ITIH2: variants seen among roughly 807,000 people sequenced by gnomAD.
The protein encoded by ITIH2 is inter-alpha-trypsin inhibitor heavy chain 2, also known as inter-alpha-trypsin inhibitor heavy chain H2.
A neutral mutation model predicts 104.4 loss-of-function variants in ITIH2; 103 were observed. The ratio of observed to expected loss-of-function variants is 0.99; its 90% CI spans 0.84 to 1.16. The LOEUF (loss-of-function observed/expected upper bound fraction) is 1.16. ITIH2 is among the 50% of genes most tolerant of loss of function. The pLI is 0.00. For synonymous variants in ITIH2, 436 were observed against 435.4 expected, an observed-to-expected ratio of 1.00 and a Z score of -0.02; for missense variants, 1,108 against 1,162.4, an observed-to-expected ratio of 0.95 and a Z score of 0.68.
At position 7,744,791 on chromosome 10, in the gene ITIH2, G is replaced by C. The variant is rs182984101; in HGVS notation, c.2409G>C (p.Arg803Ser). The change falls in exon 19 of 21, where the codon AGG becomes AGC. Residue 803 changes from arginine to serine, a missense_variant and splice_region_variant. Coordinates refer to ENST00000358415, the MANE Select transcript of ITIH2 (RefSeq NM_002216.3). ...AATTCCTCTTGGACTTTCACACCAGGGTGCAGATCTCAGTGAAGAAAGAAA... is the reference window on the plus strand; with the variant it reads ...AATTCCTCTTGGACTTTCACACCAGCGTGCAGATCTCAGTGAAGAAAGAAA... ...WSDTAQVTNQ[R>S]VQISVKKEKV... The C allele has an allele frequency of 2.7e-5, 44 of 1,612,952 alleles. No homozygotes were observed. In the East Asian group the frequency reaches 9.4e-4, roughly 34 times the overall value.
chr10:7,738,262 T>G (rs902828162), intron 15 of ITIH2, among the ~76,000 whole-genome samples: 1 of 126,590 alleles, frequency 7.9e-6, no homozygotes, highest in Non-Finnish European at 1.6e-5. Context: ...TTATATATTA[T>G]ATTCTATATA....
chr10:7,710,467 G>A (rs1213564302), intron 4 of ITIH2, among the ~76,000 whole-genome samples: 2 of 152,058 alleles, frequency 1.3e-5, no homozygotes, highest in Admixed American at 6.5e-5. Context: ...TGTTCCAGGT[G>A]GTCAATGTCC....
At chr10:7,724,567 T>A in intron 9 of ITIH2, among the ~76,000 whole-genome samples, 2 of 8,356 alleles carry the variant, frequency 2.4e-4, no homozygotes, top group African/African-American at 4.3e-4. Flanking sequence ...CGAAACTCCA[T>A]CTCAAAAAAA....
At chr10:7,722,086 A>G (rs1168953570) in intron 8 of ITIH2, among the ~76,000 whole-genome samples, 4 of 152,152 alleles carry the variant, frequency 2.6e-5, no homozygotes, top group African/African-American at 9.7e-5. Context: ...CAATTAGACA[A>G]TCAAAGAAAG....
At chr10:7,747,983 A>C (rs1161815662) in intron 20 of ITIH2, among the ~76,000 whole-genome samples, 1 of 151,876 alleles carries the variant, frequency 6.6e-6, no homozygotes, top group Non-Finnish European at 1.5e-5. Flanking sequence ...GGGTGGGTGG[A>C]TAACCTGAGG....
Position 7,709,045 on chromosome 10 carries a change from TTATAGC to T in ITIH2, c.221_226del (p.Ser74_Tyr75del). ...AGGAAGAGGTTGATCAAGTAACTCT[TTATAGC>T]TATAAAGTCCAGTCTACTATTACTT... On this transcript the variant is annotated inframe_deletion, in exon 4 of 21. Transcript: ENST00000358415. The T allele has an allele frequency of 6.2e-7, 1 of 1,614,092 alleles. No individual in the cohort carries two copies. The highest frequency in any genetic ancestry group is 2.2e-5 in the East Asian group (1 of 44,882).
chr10:7,720,664 G>A (rs930297919), intron 6 of ITIH2, among the ~76,000 whole-genome samples, 192 bp from the exon 7 acceptor site: 4 of 152,200 alleles, frequency 2.6e-5, no homozygotes, highest in Non-Finnish European at 4.4e-5. Flanking sequence ...TCGACAGAAG[G>A]GGGTTAAGCC....
intron 12 of ITIH2, 143 bp downstream of exon 12, chr10:7,730,276 G>A: frequency 1.7e-6 from 1 of 602,512 alleles, no homozygotes; most frequent in Non-Finnish European, 2.8e-6. Flanking sequence ...TCAGGGAAGT[G>A]CCCAGTTCCT....
intron 15 of ITIH2, among the ~76,000 whole-genome samples, chr10:7,736,699 A>G (rs1252530580): frequency 6.6e-6 from 1 of 152,192 alleles, no homozygotes; most frequent in Non-Finnish European, 1.5e-5. Flanking sequence ...GAAATAATCT[A>G]TAATCTCTTA....
intron 9 of ITIH2, among the ~76,000 whole-genome samples, chr10:7,725,011 C>T (rs1834939579): frequency 6.6e-6 from 1 of 151,796 alleles, no homozygotes. Flanking sequence ...GCAAAACAGA[C>T]CCAAAGCATA....
At chr10:7,707,328 G>A in intron 3 of ITIH2, 95 bp downstream of exon 3, 1 of 892,782 alleles carries the variant, frequency 1.1e-6, no homozygotes, top group South Asian at 1.5e-5. Flanking sequence ...TCATCACCGA[G>A]TATTTACCTG....
intron 5 of ITIH2, among the ~76,000 whole-genome samples, chr10:7,716,930 C>G (rs1219677726): frequency 6.7e-6 from 1 of 149,658 alleles, no homozygotes; most frequent in African/African-American, 2.5e-5. Context: ...GGGTCTTGAG[C>G]AGGTCCTCTA....
At chr10:7,748,521 C>CTTTTTTTTTTTTTTTTTTTTTTTT (rs549517172) in intron 20 of ITIH2, among the ~76,000 whole-genome samples, 1 of 27,124 alleles carries the variant, frequency 3.7e-5, no homozygotes, top group African/African-American at 1.5e-4. Context: ...CCAATGCATT[C>CTTTTTTTTTTTTTTTTTTTTTTTT]TTTTTTTTTT....
At chr10:7,736,778 C>G (rs1245077048) in intron 15 of ITIH2, among the ~76,000 whole-genome samples, 1 of 152,124 alleles carries the variant, frequency 6.6e-6, no homozygotes, top group Non-Finnish European at 1.5e-5. Flanking sequence ...TTGAAAGAGA[C>G]AGGATTCGGC....
intron 15 of ITIH2, 25 bp from the exon 16 acceptor site, chr10:7,738,596 A>G: frequency 6.2e-7 from 1 of 1,611,958 alleles, no homozygotes; most frequent in Non-Finnish European, 8.5e-7. Flanking sequence ...TCTAGAAACT[A>G]ACAGATGCAG....
chr10:7,716,136 C>T (rs1307586322), intron 5 of ITIH2, among the ~76,000 whole-genome samples: 2 of 152,162 alleles, frequency 1.3e-5, no homozygotes, highest in Non-Finnish European at 2.9e-5. Flanking sequence ...AGGCACTCAC[C>T]ACCACACCCG....
chr10:7,713,143 C>A, intron 4 of ITIH2, 38 bp from the exon 5 acceptor site: 2 of 1,473,938 alleles, frequency 1.4e-6, no homozygotes, highest in Non-Finnish European at 1.9e-6. Context: ...AAAAAGATTA[C>A]TATTCTGACC....
chr10:7,739,089 G>A (rs546631149), intron 16 of ITIH2, among the ~76,000 whole-genome samples: 1 of 152,222 alleles, frequency 6.6e-6, no homozygotes, highest in East Asian at 1.9e-4. Flanking sequence ...TTGTGTAGTC[G>A]CAGACTTCTT....
intron 1 of ITIH2, among the ~76,000 whole-genome samples, chr10:7,704,473 G>A (rs140233940): frequency 6.6e-6 from 1 of 152,310 alleles, no homozygotes; most frequent in African/African-American, 2.4e-5. Flanking sequence ...TTGGGGAGAT[G>A]TATGGTTCAT....
Sources: gnomAD v4.1 joint callset for allele counts (sites outside exome capture counted in the v4.1 genomes callset) on GRCh38, gnomAD v4.1.1 for gene constraint, MANE v1.5 for transcripts, NCBI Gene and HGNC (gene_info 2026-07-23, HGNC 2026-07-21) for gene names.